Variants in BEND7 observed in about 807,000 individuals in gnomAD.
BEND7 encodes the protein BEN domain containing 7.
Under a neutral mutation model 50.9 loss-of-function variants are expected in BEND7, and 28 were observed. The observed-to-expected ratio is 0.55, with a 90% confidence interval of 0.41 to 0.75. The LOEUF (loss-of-function observed/expected upper bound fraction) is 0.75, where lower values mean the gene tolerates loss of function less well. BEND7 is among the 30% of genes least tolerant of loss of function. The probability of loss-of-function intolerance (pLI) is 0.00; values close to 1 mark genes in which losing one functional copy is unlikely to be tolerated. For synonymous variants in BEND7, 170 were observed against 183.9 expected (o/e 0.92, Z 0.61); for missense variants, 477 against 491.3 (o/e 0.97, Z 0.28).
intron 6 of BEND7, among the ~76,000 whole-genome samples, chr10:13,458,530 C>T (rs1839529428): frequency 1.3e-5 from 2 of 152,218 alleles, no homozygotes; most frequent in African/African-American, 4.8e-5. Context: ...CTGTGAAATC[C>T]TCTAAGAACT....
intron 2 of BEND7, among the ~76,000 whole-genome samples, chr10:13,511,788 G>C (rs967257626): frequency 6.6e-6 from 1 of 152,152 alleles, no homozygotes; most frequent in Admixed American, 6.5e-5. Flanking sequence ...TAAGAGGTTC[G>C]AGCACTGGCG....
chr10:13,441,070 G>C (rs889050300), downstream of BEND7: 1 of 983,126 alleles, frequency 1.0e-6, no homozygotes, highest in African/African-American at 1.7e-5. Context: ...CGGCACACAG[G>C]CAAGATCCGC....
chr10:13,487,378 C>CTT lies in BEND7; in HGVS notation c.837+5231_837+5232dup, dbSNP rs770356764. Among the ~76,000 whole-genome samples, 255 of 73,644 alleles carry CTT rather than the reference C, an allele frequency of 3.5e-3. 31 individuals carry two copies. The highest frequency in any genetic ancestry group is 7.5e-3 in the South Asian group (10 of 1,328). 48.3% of individuals were successfully genotyped at this position (73,644 alleles called of 152,430 possible). The stretch of plus-strand genomic sequence containing the variant: ...GGCATACATGGCCTCAATTTCTTTT[C>CTT]TTTTCTTTTCTTTTTTTTTTTTTTT... On this transcript the variant is annotated intron_variant, in intron 5 of 8. Transcript: ENST00000466271.
At chr10:13,469,013 T>C (rs543336988) in intron 6 of BEND7, among the ~76,000 whole-genome samples, 1 of 152,328 alleles carries the variant, frequency 6.6e-6, no homozygotes, top group South Asian at 2.1e-4. Context: ...TGGTCTCCAC[T>C]GTCCTGCCTT....
intron 5 of BEND7, among the ~76,000 whole-genome samples, chr10:13,486,974 C>T (rs1246680134): frequency 6.6e-6 from 1 of 152,210 alleles, no homozygotes; most frequent in South Asian, 2.1e-4. Context: ...GAGAGACTAT[C>T]CAGGCTCCCA....
At chr10:13,504,900 C>T (rs1006996221) in intron 2 of BEND7, among the ~76,000 whole-genome samples, 3 of 152,134 alleles carry the variant, frequency 2.0e-5, no homozygotes, top group East Asian at 1.9e-4. Context: ...CGTTCCTTTA[C>T]GCAAAGAATT....
At chr10:13,471,467 A>G (rs2074825302) in intron 6 of BEND7, among the ~76,000 whole-genome samples, 1 of 152,258 alleles carries the variant, frequency 6.6e-6, no homozygotes, top group Non-Finnish European at 1.5e-5. Flanking sequence ...TGCCAAGAAG[A>G]GATTCTACAT....
downstream of BEND7, among the ~76,000 whole-genome samples, chr10:13,440,750 T>C (rs559153815): frequency 2.0e-4 from 30 of 152,388 alleles, no homozygotes; most frequent in Middle Eastern, 3.4e-3. Context: ...GTTGTTTCCA[T>C]AGAAGCAGGG....
At chr10:13,441,968 C>T (rs1835392831) in intron 8 of BEND7, 6 of 545,148 alleles carry the variant, frequency 1.1e-5, no homozygotes, top group Middle Eastern at 4.9e-4. Flanking sequence ...TGTTACAGTA[C>T]AGGGATGCCT....
chr10:13,481,147 T>C, intron 5 of BEND7, 23 bp from the exon 6 acceptor site: 1 of 1,608,838 alleles, frequency 6.2e-7, no homozygotes, highest in Non-Finnish European at 8.5e-7. Context: ...CACAGATATT[T>C]CATTAAAAGC....
At chr10:13,523,705 T>C (rs1044211080) in intron 2 of BEND7, among the ~76,000 whole-genome samples, 1 of 152,202 alleles carries the variant, frequency 6.6e-6, no homozygotes, top group Non-Finnish European at 1.5e-5. Flanking sequence ...TTTTGAAAAG[T>C]GTAACTATAA....
At chr10:13,503,920 C>T (rs149409992) in intron 2 of BEND7, among the ~76,000 whole-genome samples, 2 of 152,300 alleles carry the variant, frequency 1.3e-5, no homozygotes, top group African/African-American at 4.8e-5. Context: ...GTCACACTCT[C>T]TTCACCCAAA....
intron 6 of BEND7, among the ~76,000 whole-genome samples, chr10:13,470,843 T>C (rs1022268770): frequency 2.0e-5 from 3 of 152,222 alleles, no homozygotes; most frequent in African/African-American, 7.2e-5. Context: ...ACTGGCATTA[T>C]ATTCATGAAG....
chr10:13,488,773 C>G (rs927896574), intron 5 of BEND7, among the ~76,000 whole-genome samples: 1 of 152,214 alleles, frequency 6.6e-6, no homozygotes, highest in Non-Finnish European at 1.5e-5. Flanking sequence ...AGGCGTGAGC[C>G]ACCGCGCCCG....
intron 8 of BEND7, chr10:13,446,070 G>C (rs978407439): frequency 4.6e-5 from 7 of 152,338 alleles, no homozygotes; most frequent in Admixed American, 4.6e-4. Context: ...ATTCACAAAT[G>C]TGAAAACACA....
chr10:13,529,559 G>A (rs1048618083), upstream of BEND7, among the ~76,000 whole-genome samples: 3 of 152,162 alleles, frequency 2.0e-5, no homozygotes, highest in Non-Finnish European at 2.9e-5. Flanking sequence ...CACATTCAAG[G>A]AGAGCACTTG....
intron 6 of BEND7, among the ~76,000 whole-genome samples, chr10:13,467,892 A>G (rs1489507121): frequency 6.6e-6 from 1 of 152,088 alleles, no homozygotes. Flanking sequence ...TTTATGGATC[A>G]TTAGTTATGT....
intron 2 of BEND7, among the ~76,000 whole-genome samples, chr10:13,508,876 G>T (rs992895642): frequency 6.6e-6 from 1 of 152,170 alleles, no homozygotes; most frequent in Non-Finnish European, 1.5e-5. Flanking sequence ...TCTGATCGAC[G>T]GGCAGGCCTA....
At chr10:13,451,431 A>T (rs1454613459) in intron 7 of BEND7, among the ~76,000 whole-genome samples, 2 of 150,388 alleles carry the variant, frequency 1.3e-5, no homozygotes, top group Non-Finnish European at 3.0e-5. Flanking sequence ...TCCACAAAAC[A>T]TCTGGAGATG....
Sources: allele counts gnomAD v4.1 joint callset (sites outside exome capture counted in the v4.1 genomes callset), GRCh38; gene constraint gnomAD v4.1.1; transcripts MANE v1.5; gene names NCBI Gene and HGNC (gene_info 2026-07-23, HGNC 2026-07-21).